The following PDK1 variants were observed in gnomAD, a reference collection of about 807,000 sequenced individuals.
The protein encoded by PDK1 is [Pyruvate dehydrogenase (acetyl-transferring)] kinase isozyme 1, mitochondrial.
In PDK1, 39 loss-of-function variants were observed where a neutral mutation model predicts 54.2. That is an observed-to-expected ratio of 0.72 (90% confidence interval 0.56 to 0.94). PDK1 has a LOEUF of 0.94. Among genes scored for constraint, PDK1 ranks in the 40% least tolerant of loss-of-function variants. The pLI is 0.00. For missense variants in PDK1, 552 were observed against 566.0 expected (o/e 0.98, Z 0.25); for synonymous variants, 221 against 207.1 (o/e 1.07, Z -0.58).
rs1690543775 is a variant in PDK1 at position 172,591,001 on chromosome 2, C to T, written c.1057-1934C>T. ...GTAGCTACTTCTTGCTGGATAGGGGCAAAGAAGGGGCCCTGCAGTTGTAGT... is the reference window on the plus strand; with the variant it reads ...GTAGCTACTTCTTGCTGGATAGGGGTAAAGAAGGGGCCCTGCAGTTGTAGT... On this transcript the variant is annotated intron_variant, in intron 9 of 10. Transcript: ENST00000282077. Among the ~76,000 whole-genome samples, 4 of 152,224 alleles carry T rather than the reference C, an allele frequency of 2.6e-5. No individual in the cohort carries two copies. The South Asian group carries it at 8.3e-4, about 32-fold the overall frequency.
the PDK1 span, among the ~76,000 whole-genome samples, chr2:172,622,348 G>GTGTGAGATATGTTTATATCATATATTA: frequency 1.6e-4 from 15 of 92,820 alleles, no homozygotes; most frequent in Non-Finnish European, 2.6e-4. Context: ...CTCATATATT[G>GTGTGAGATATGTTTATATCATATATTA]TGTGAGATAT....
intron 8 of PDK1, among the ~76,000 whole-genome samples, chr2:172,579,316 T>C (rs1326497007): frequency 6.6e-6 from 1 of 152,108 alleles, no homozygotes; most frequent in East Asian, 1.9e-4. Flanking sequence ...TCCCAGCAGC[T>C]ACCAGGCTGC....
At position 172,600,165 on chromosome 2, in the gene PDK1, C is replaced by G. The variant is rs1168868452; in HGVS notation, c.*4196C>G. ...TTAAGTTTGACTCAAATATAAAAAG[C>G]CACAGTATTCTTGCCATGGTTTTGT... On this transcript the variant is annotated 3_prime_UTR_variant, in exon 11 of 11. Transcript: ENST00000282077. 1.3e-5 allele frequency: 2 copies of G among 152,098 alleles called. No individual in the cohort carries two copies. The allele number at this position is 152,098 out of a possible 1,614,324, so 9.4% of individuals were successfully genotyped here.
chr2:172,663,837 C>A, the PDK1 span, among the ~76,000 whole-genome samples: 1 of 152,104 alleles, frequency 6.6e-6, no homozygotes, highest in Non-Finnish European at 1.5e-5. Context: ...TGTCTGTGAA[C>A]CTAAATCTTC....
the PDK1 span, among the ~76,000 whole-genome samples, chr2:172,710,025 G>A: frequency 1.3e-5 from 2 of 152,152 alleles, no homozygotes; most frequent in East Asian, 1.9e-4. Context: ...AGAGGAAATC[G>A]CTGACCCTGG....
chr2:172,561,279 T>C (rs888465191), intron 2 of PDK1, among the ~76,000 whole-genome samples: 1 of 152,244 alleles, frequency 6.6e-6, no homozygotes, highest in Non-Finnish European at 1.5e-5. Context: ...GAGAGCGTAG[T>C]TGTTCTTGCC....
chr2:172,628,983 C>A, the PDK1 span, among the ~76,000 whole-genome samples: 1 of 152,024 alleles, frequency 6.6e-6, no homozygotes, highest in Admixed American at 6.6e-5. Flanking sequence ...AATAAATTAG[C>A]CAAGTGTGTT....
chr2:172,586,474 T>A (rs1003810549), intron 9 of PDK1, 86 bp downstream of exon 9: 4 of 742,702 alleles, frequency 5.4e-6, no homozygotes, highest in East Asian at 5.5e-5. Flanking sequence ...TAAGCCGTCA[T>A]GTAGGGTACT....
chr2:172,562,937 C>A, intron 3 of PDK1: 1 of 718,870 alleles, frequency 1.4e-6, no homozygotes, highest in South Asian at 2.1e-5. Context: ...GTTAGTTACA[C>A]ATGTTTTTTG....
At chr2:172,639,920 G>A in the PDK1 span, among the ~76,000 whole-genome samples, 1 of 152,194 alleles carries the variant, frequency 6.6e-6, no homozygotes, top group East Asian at 1.9e-4. Context: ...TAAAGAATGA[G>A]CACAATCATT....
the PDK1 span, among the ~76,000 whole-genome samples, chr2:172,685,272 C>T: frequency 6.6e-6 from 1 of 152,220 alleles, no homozygotes; most frequent in Non-Finnish European, 1.5e-5. Context: ...TCAAAACAGT[C>T]CCTGAAGCCC....
the PDK1 span, among the ~76,000 whole-genome samples, chr2:172,702,184 G>C: frequency 6.6e-6 from 1 of 152,134 alleles, no homozygotes. Flanking sequence ...CCAACCTAAA[G>C]ACAGAGGGAT....
At chr2:172,613,638 C>T (rs546483506), downstream of PDK1, among the ~76,000 whole-genome samples, 1 of 152,226 alleles carries the variant, frequency 6.6e-6, no homozygotes, top group African/African-American at 2.4e-5. Context: ...AACTTATTCC[C>T]TATCAGATAG....
At chr2:172,584,836 T>G (rs1352010409) in intron 8 of PDK1, among the ~76,000 whole-genome samples, 2 of 148,122 alleles carry the variant, frequency 1.4e-5, no homozygotes, top group African/African-American at 5.0e-5. Flanking sequence ...TAAAGTTTTT[T>G]TTTTTTTTTT....
At chr2:172,570,850 C>CTTT (rs529091195) in intron 8 of PDK1, 26 bp downstream of exon 8, 110 of 999,244 alleles carry the variant, frequency 1.1e-4, no homozygotes, top group South Asian at 1.9e-4. Flanking sequence ...GGTTTGTTTT[C>CTTT]TTTTTTTTTT....
At chr2:172,713,458 G>A in the PDK1 span, among the ~76,000 whole-genome samples, 1 of 152,182 alleles carries the variant, frequency 6.6e-6, no homozygotes. Context: ...CTCCAGGCCC[G>A]TGCCGAGCTG....
the PDK1 span, among the ~76,000 whole-genome samples, chr2:172,667,633 A>G: frequency 1.3e-5 from 2 of 152,322 alleles, no homozygotes; most frequent in East Asian, 3.9e-4. Context: ...TACTGCAATG[A>G]CCTCAGTTTC....
rs1691146746 is a variant in PDK1 at position 172,602,444 on chromosome 2, A to G, written c.*6475A>G. 1 of 152,182 alleles carries G rather than the reference A, an allele frequency of 6.6e-6. No homozygotes were observed. Among genetic ancestry groups the G allele is most frequent in the South Asian group, 2.1e-4 (1 of 4,826 alleles). 9.4% of individuals were successfully genotyped at this position (152,182 alleles called of 1,614,324 possible). Reference sequence around the variant, plus strand: ...GGATAGTTGTAATTAAAAGTGCTTAACTCACTTATATAAGCCATTAGTGGA... The same window carrying G: ...GGATAGTTGTAATTAAAAGTGCTTAGCTCACTTATATAAGCCATTAGTGGA... On this transcript the variant is annotated 3_prime_UTR_variant, in exon 11 of 11. Transcript: ENST00000282077.
Sources: gnomAD v4.1 joint callset for allele counts (sites outside exome capture counted in the v4.1 genomes callset) on GRCh38, gnomAD v4.1.1 for gene constraint, MANE v1.5 for transcripts, NCBI Gene and HGNC (gene_info 2026-07-23, HGNC 2026-07-21) for gene names.